The following PCSK2 variants were observed in gnomAD, a reference collection of about 807,000 sequenced individuals.
PCSK2 encodes the protein neuroendocrine convertase 2.
In PCSK2, 14 loss-of-function variants were observed where a neutral mutation model predicts 69.7. The ratio of observed to expected loss-of-function variants is 0.20; its 90% CI spans 0.13 to 0.31. The LOEUF (loss-of-function observed/expected upper bound fraction) is 0.31, where lower values mean the gene tolerates loss of function less well. Ranked by LOEUF, PCSK2 falls within the 10% of genes least tolerant of loss-of-function variation. The probability of loss-of-function intolerance (pLI) is 1.00; values close to 1 mark genes in which losing one functional copy is unlikely to be tolerated. For synonymous variants in PCSK2, 307 were observed against 320.7 expected (o/e 0.96, Z 0.46); for missense variants, 544 against 842.5 (o/e 0.65, Z 4.39).
intron 2 of PCSK2, among the ~76,000 whole-genome samples, chr20:17,351,770 T>C (rs2029996166): frequency 6.6e-6 from 1 of 152,096 alleles, no homozygotes. Flanking sequence ...CTGGAAGGAT[T>C]CCCCTTGAGG....
intron 2 of PCSK2, among the ~76,000 whole-genome samples, chr20:17,298,124 A>T (rs906696282): frequency 1.3e-5 from 2 of 152,112 alleles, no homozygotes; most frequent in African/African-American, 4.8e-5. Flanking sequence ...ATTTTAACCC[A>T]TTTTCTCTAA....
intron 11 of PCSK2, among the ~76,000 whole-genome samples, chr20:17,466,186 G>A (rs1016802878): frequency 1.3e-5 from 2 of 151,996 alleles, no homozygotes; most frequent in East Asian, 1.9e-4. Context: ...AAGGCCCCCT[G>A]CCGTGACCAC....
intron 5 of PCSK2, among the ~76,000 whole-genome samples, chr20:17,406,148 A>G (rs2031745488): frequency 1.3e-5 from 2 of 152,226 alleles, no homozygotes; most frequent in Admixed American, 6.5e-5. Flanking sequence ...AATGGCAATT[A>G]TAGAAGACTC....
At chr20:17,449,594 G>A (rs949873615) in intron 8 of PCSK2, among the ~76,000 whole-genome samples, 38 of 112,526 alleles carry the variant, frequency 3.4e-4, no homozygotes, top group Non-Finnish European at 5.1e-4. Flanking sequence ...GCAATAGCGC[G>A]ATCTCAGCTC....
intron 8 of PCSK2, among the ~76,000 whole-genome samples, chr20:17,451,841 T>A (rs1053509380): frequency 5.9e-5 from 9 of 152,130 alleles, no homozygotes; most frequent in African/African-American, 2.2e-4. Flanking sequence ...ACATATGGAC[T>A]GATTCAGGAG....
rs368353299 is a variant in PCSK2 at position 17,241,275 on chromosome 20, C to T, written c.177+13793C>T. On this transcript the variant is annotated intron_variant, in intron 1 of 11. Transcript: ENST00000262545. ...GTGCAATGAAATGGGCACGGTTTTT[C>T]GGAGGATTGCAAGTAGTTTTGTCTG... Among the ~76,000 whole-genome samples the T allele has an allele frequency of 7.2e-5, 11 of 152,170 alleles. No individual in the cohort carries two copies. The South Asian group carries it at 1.5e-3, about 20-fold the overall frequency.
chr20:17,251,615 T>C (rs945024934), intron 1 of PCSK2, among the ~76,000 whole-genome samples: 2 of 152,272 alleles, frequency 1.3e-5, no homozygotes, highest in Non-Finnish European at 2.9e-5. Context: ...TAGAGTTTTA[T>C]GTTAACACAG....
chr20:17,246,285 C>T (rs1986768811), intron 1 of PCSK2, among the ~76,000 whole-genome samples: 1 of 152,156 alleles, frequency 6.6e-6, no homozygotes, highest in Non-Finnish European at 1.5e-5. Context: ...TCGAAACCAG[C>T]CTAGTGGATG....
At chr20:17,470,274 G>A (rs181134529) in intron 11 of PCSK2, among the ~76,000 whole-genome samples, 41 of 152,286 alleles carry the variant, frequency 2.7e-4, no homozygotes, top group Admixed American at 1.4e-3. Context: ...GTGGATGACC[G>A]TGATTAAGAA....
intron 2 of PCSK2, among the ~76,000 whole-genome samples, chr20:17,303,489 ATATTTAATAT>A (rs1989196610): frequency 1.7e-5 from 1 of 57,258 alleles, no homozygotes; most frequent in Non-Finnish European, 3.6e-5. Flanking sequence ...AATATATATT[ATATTTAATAT>A]AATATATATT....
intron 1 of PCSK2, among the ~76,000 whole-genome samples, chr20:17,234,719 T>A (rs975084020): frequency 6.6e-6 from 1 of 152,208 alleles, no homozygotes; most frequent in East Asian, 1.9e-4. Context: ...CAGAAGGTCT[T>A]ATTAGCTATA....
chr20:17,314,197 C>A (rs1989605723), intron 2 of PCSK2, among the ~76,000 whole-genome samples: 1 of 152,136 alleles, frequency 6.6e-6, no homozygotes, highest in South Asian at 2.1e-4. Flanking sequence ...ATAAATGGAC[C>A]TACCATTTAG....
chr20:17,389,595 C>G (rs1768222958), intron 5 of PCSK2, among the ~76,000 whole-genome samples: 1 of 152,182 alleles, frequency 6.6e-6, no homozygotes, highest in African/African-American at 2.4e-5. Context: ...GGCTAAGAGA[C>G]TTGTCTTCTG....
chr20:17,296,109 C>A lies in PCSK2; in HGVS notation c.282+35765C>A, dbSNP rs74353460. 5.0e-3 allele frequency among the ~76,000 whole-genome samples: 765 copies of A among 152,258 alleles called. 6 individuals are homozygous for A. Among genetic ancestry groups the A allele is most frequent in the East Asian group, 0.023 (119 of 5,168 alleles). Reference sequence around the variant, plus strand: ...TGTCTGTCCGATTTTACTGCTCCAGCCTCTGATGGCCAATGAGCAGAAATG... The same window carrying A: ...TGTCTGTCCGATTTTACTGCTCCAGACTCTGATGGCCAATGAGCAGAAATG... On this transcript the variant is annotated intron_variant, in intron 2 of 11. Coordinates refer to ENST00000262545, the MANE Select transcript of PCSK2 (RefSeq NM_002594.5).
intron 2 of PCSK2, among the ~76,000 whole-genome samples, chr20:17,277,620 A>G (rs1988135865): frequency 6.7e-6 from 1 of 148,852 alleles, no homozygotes; most frequent in Non-Finnish European, 1.5e-5. Flanking sequence ...AAAACCCTAG[A>G]AGAAAACCTA....
Position 17,398,363 on chromosome 20 carries a change from A to G in PCSK2, c.544-10900A>G, listed in dbSNP as rs1050550488. ...AACACAGTGAAACTCTGTCTTTACA[A>G]TTTTTTTTTAATTAGCCAGGCATGA... On this transcript the variant is annotated intron_variant, in intron 5 of 11. Coordinates refer to ENST00000262545, the MANE Select transcript of PCSK2 (RefSeq NM_002594.5). Among the ~76,000 whole-genome samples, 5 of 151,258 alleles carry G rather than the reference A, an allele frequency of 3.3e-5. No individual in the cohort carries two copies. In the East Asian group the frequency reaches 7.8e-4, roughly 24 times the overall value.
At chr20:17,479,962 C>A (rs2033366284) in intron 11 of PCSK2, among the ~76,000 whole-genome samples, 1 of 151,782 alleles carries the variant, frequency 6.6e-6, no homozygotes. Flanking sequence ...ACCACGCAAT[C>A]CTCAAATGCG....
At chr20:17,331,706 A>G (rs962029481) in intron 2 of PCSK2, among the ~76,000 whole-genome samples, 4 of 152,182 alleles carry the variant, frequency 2.6e-5, no homozygotes, top group Non-Finnish European at 5.9e-5. Flanking sequence ...AGGTAAAAAT[A>G]ATGACAGCAA....
Position 17,459,839 on chromosome 20 carries a change from G to T in PCSK2, c.1202+3391G>T, listed in dbSNP as rs116650463. Among the ~76,000 whole-genome samples, 648 of 152,292 alleles carry T rather than the reference G, an allele frequency of 4.3e-3. 5 individuals are homozygous for T. Among genetic ancestry groups the T allele is most frequent in the African/African-American group, 0.015 (635 of 41,544 alleles). ...AGCCTGTCGCTGATCTGTGAACTAGGGTGTGAGGATGATCAATAAGGCAAT... is the reference window on the plus strand; with the variant it reads ...AGCCTGTCGCTGATCTGTGAACTAGTGTGTGAGGATGATCAATAAGGCAAT... On this transcript the variant is annotated intron_variant, in intron 10 of 11. Transcript: ENST00000262545.
Sources: gnomAD v4.1 joint callset for allele counts (sites outside exome capture counted in the v4.1 genomes callset) on GRCh38, gnomAD v4.1.1 for gene constraint, MANE v1.5 for transcripts, NCBI Gene and HGNC (gene_info 2026-07-23, HGNC 2026-07-21) for gene names.